TVP23A: variants seen among roughly 807,000 people sequenced by gnomAD.
TVP23A encodes the protein trans-golgi network vesicle protein 23 homolog A.
In TVP23A, 21 loss-of-function variants were observed where a neutral mutation model predicts 31.7. That is an observed-to-expected ratio of 0.66 (90% CI 0.47 to 0.95). TVP23A has a LOEUF of 0.95. Among genes scored for constraint, TVP23A ranks in the 40% least tolerant of loss-of-function variants. The pLI, the probability that TVP23A is intolerant of heterozygous loss-of-function variation, is 0.00. For synonymous variants in TVP23A, 104 were observed against 96.0 expected (o/e 1.08, Z -0.49); for missense variants, 279 against 255.6 (o/e 1.09, Z -0.62).
In TVP23A at chr16:10,772,405, T is replaced by C. The variant is rs570046253; in HGVS notation, c.454-607A>G. ...TTTTTTTTAAGACGGAGCCTCACTC[T>C]GTCACCCAGGCTGAAGTGCTGTGGC... On this transcript the variant is annotated intron_variant, in intron 5 of 7. Transcript: ENST00000299866. Among the ~76,000 whole-genome samples the C allele has an allele frequency of 1.3e-3, 199 of 152,328 alleles. 5 individuals carry two copies. Among genetic ancestry groups the C allele is most frequent in the South Asian group, 4.3e-3 (21 of 4,832 alleles).
At chr16:10,798,661 T>A (rs868562701) in intron 2 of TVP23A, among the ~76,000 whole-genome samples, 5 of 120,042 alleles carry the variant, frequency 4.2e-5, no homozygotes, top group African/African-American at 2.0e-4. Context: ...TATGTTTTGT[T>A]TTTGTTTTTG....
At chr16:10,776,475 C>T (rs1265347130) in intron 2 of TVP23A, among the ~76,000 whole-genome samples, 1 of 152,150 alleles carries the variant, frequency 6.6e-6, no homozygotes, top group East Asian at 1.9e-4. Flanking sequence ...ACTGAAGACA[C>T]TTGTGGGTTT....
rs2031249658 is a variant in TVP23A at position 10,768,583 on chromosome 16, G to A, written c.*519C>T. The A allele has an allele frequency of 6.4e-6, 1 of 157,300 alleles. No homozygotes were observed. Among genetic ancestry groups the A allele is most frequent in the African/African-American group, 2.4e-5 (1 of 41,538 alleles). The allele number at this position is 157,300 out of a possible 1,614,324, so 9.7% of individuals were successfully genotyped here. A position where few individuals can be genotyped will look rare whatever the true frequency, so the allele number is the denominator to read the frequency against. ...GATCGCGCCACTGCACTCCAGCCTG[G>A]GCAACAGCGTGAGACCGTGTCTCAA... is the stretch of plus-strand genomic sequence containing the variant. On this transcript the variant is annotated 3_prime_UTR_variant, in exon 8 of 8. Coordinates refer to ENST00000299866, the MANE Select transcript of TVP23A (RefSeq NM_001079512.4). This position sits in a 1 kb window ranked among gnomAD's most constrained non-coding sequence, Gnocchi z 4.3.
intron 5 of TVP23A, among the ~76,000 whole-genome samples, chr16:10,773,050 C>T (rs1302062309): frequency 2.0e-5 from 3 of 152,122 alleles, no homozygotes; most frequent in Admixed American, 2.0e-4. Flanking sequence ...GCTATGTTGC[C>T]CAGGCTGGTC....
intron 2 of TVP23A, among the ~76,000 whole-genome samples, chr16:10,782,714 G>A (rs1283593684): frequency 1.3e-5 from 2 of 152,024 alleles, no homozygotes; most frequent in Admixed American, 1.3e-4. Context: ...ATTTTGCCCA[G>A]GCTGGTCTCA....
downstream of TVP23A, chr16:10,761,223 C>T: frequency 3.0e-6 from 2 of 669,554 alleles, no homozygotes; most frequent in Non-Finnish European, 5.0e-6. Flanking sequence ...GATGGGGACA[C>T]AGAGCCAAAC....
intron 2 of TVP23A, among the ~76,000 whole-genome samples, chr16:10,811,762 G>A (rs974950331): frequency 2.6e-5 from 4 of 151,794 alleles, no homozygotes; most frequent in African/African-American, 9.7e-5. Context: ...AAGTTAGCCG[G>A]GCATGGTGGC....
At chr16:10,758,116 C>A, downstream of TVP23A, 1 of 1,453,786 alleles carries the variant, frequency 6.9e-7, no homozygotes, top group Non-Finnish European at 9.4e-7. Context: ...TCTGGTCTCA[C>A]CAAGGCTCTT....
intron 5 of TVP23A, among the ~76,000 whole-genome samples, chr16:10,773,086 T>C (rs1045139004): frequency 6.6e-6 from 1 of 152,108 alleles, no homozygotes; most frequent in Non-Finnish European, 1.5e-5. Context: ...CAAGCAATCC[T>C]TCCACCTTGG....
intron 2 of TVP23A, among the ~76,000 whole-genome samples, chr16:10,800,689 T>C (rs775172657): frequency 3.3e-5 from 5 of 152,178 alleles, no homozygotes; most frequent in Non-Finnish European, 5.9e-5. Context: ...TTAAAAAGCA[T>C]TTTTGGCCAG....
downstream of TVP23A, chr16:10,761,775 C>T (rs747727117): frequency 1.2e-6 from 2 of 1,613,854 alleles, no homozygotes; most frequent in Non-Finnish European, 8.5e-7. Flanking sequence ...TCAGATATTC[C>T]CTCCCACAAC....
Position 10,768,931 on chromosome 16 carries a change from T to C in TVP23A, c.*171A>G, listed in dbSNP as rs554847034. ...GGCATCACAGACACAGGTCTTTTTA[T>C]GGAACTAGCCAGAGGATTCCACCCC... On this transcript the variant is annotated 3_prime_UTR_variant, in exon 8 of 8. Transcript: ENST00000299866. The surrounding 1 kb of genome is among the most constrained non-coding windows in gnomAD (Gnocchi z 4.3). The C allele has an allele frequency of 6.4e-5, 54 of 848,422 alleles. No homozygotes were observed. The South Asian group carries it at 7.7e-4, about 12-fold the overall frequency. The allele number at this position is 848,422 out of a possible 1,614,324, so 52.6% of individuals were successfully genotyped here.
At chr16:10,816,741 G>A (rs1474046360) in intron 2 of TVP23A, among the ~76,000 whole-genome samples, 2 of 152,000 alleles carry the variant, frequency 1.3e-5, no homozygotes, top group Non-Finnish European at 2.9e-5. Flanking sequence ...GGGAAGTGGG[G>A]AGGGATAGCA....
At chr16:10,782,527 G>C (rs1048119232) in intron 2 of TVP23A, among the ~76,000 whole-genome samples, 2 of 152,116 alleles carry the variant, frequency 1.3e-5, no homozygotes, top group Admixed American at 1.3e-4. Context: ...TTTTAAGACA[G>C]GGTCTCACTC....
intron 7 of TVP23A, 174 bp from the exon 8 acceptor site, chr16:10,769,275 A>G: frequency 1.7e-6 from 1 of 596,986 alleles, no homozygotes; most frequent in Non-Finnish European, 3.0e-6. Context: ...GAGTATTTGT[A>G]CACTTTTCTT....
chr16:10,816,886 T>C (rs1325727487), intron 2 of TVP23A, among the ~76,000 whole-genome samples: 1 of 139,700 alleles, frequency 7.2e-6, no homozygotes, highest in Non-Finnish European at 1.6e-5. Flanking sequence ...TAATAAAAAA[T>C]AAATAAAATA....
Position 10,777,759 on chromosome 16 carries a change from C to A in TVP23A, c.90-2663G>T, listed in dbSNP as rs1218591735. Among the ~76,000 whole-genome samples the A allele has an allele frequency of 2.6e-5, 4 of 152,180 alleles. No homozygotes were observed. The highest frequency in any genetic ancestry group is 4.4e-5 in the Non-Finnish European group (3 of 68,044). ...GGGCGTGGTGGCTCACGCCTGTAAT[C>A]CCAGCACTTTGGGAGGCTGAGGCAG... On this transcript the variant is annotated intron_variant, in intron 2 of 7. Transcript: ENST00000299866. This position sits in a 1 kb window ranked among gnomAD's most constrained non-coding sequence, Gnocchi z 4.5.
rs989478157 is a variant in TVP23A, at chr16:10,777,549, A to G, written c.90-2453T>C. ...TGCCTCTACAACTGTGGGGCTTCCG[A>G]CTCCCAGGGGAATGTTAAGATTCAG... On this transcript the variant is annotated intron_variant, in intron 2 of 7. Transcript: ENST00000299866. This position sits in a 1 kb window ranked among gnomAD's most constrained non-coding sequence, Gnocchi z 4.5. Among the ~76,000 whole-genome samples the G allele has an allele frequency of 1.3e-5, 2 of 151,860 alleles. No homozygotes were observed. Among genetic ancestry groups the G allele is most frequent in the Non-Finnish European group, 2.9e-5 (2 of 67,980 alleles).
chr16:10,768,081 C>G lies in TVP23A; in HGVS notation c.*1021G>C. 1 of 1,572,292 alleles carries G rather than the reference C, an allele frequency of 6.4e-7. No individual in the cohort carries two copies. The highest frequency in any genetic ancestry group is 1.1e-5 in the South Asian group (1 of 90,270). ...ATGCAGATGCCTGTGGGGCAGGAAGCAACATAAAGGAGCCAGGGGTGTGGA... is the reference window on the plus strand; with the variant it reads ...ATGCAGATGCCTGTGGGGCAGGAAGGAACATAAAGGAGCCAGGGGTGTGGA... On this transcript the variant is annotated 3_prime_UTR_variant, in exon 8 of 8. Coordinates refer to ENST00000299866, the MANE Select transcript of TVP23A (RefSeq NM_001079512.4). This position sits in a 1 kb window ranked among gnomAD's most constrained non-coding sequence, Gnocchi z 4.3.
Sources: gnomAD v4.1 joint callset for allele counts (sites outside exome capture counted in the v4.1 genomes callset) on GRCh38, gnomAD v4.1.1 for gene constraint, Gnocchi (gnomAD v3.1) non-coding constraint, MANE v1.5 for transcripts, NCBI Gene and HGNC (gene_info 2026-07-23, HGNC 2026-07-21) for gene names.